GOLM1: variants seen among roughly 807,000 people sequenced by gnomAD.
GOLM1 encodes the protein golgi membrane protein 1.
A neutral mutation model predicts 50.5 loss-of-function variants in GOLM1; 31 were observed. The ratio of observed to expected loss-of-function variants is 0.61; its 90% CI spans 0.46 to 0.83. The LOEUF (loss-of-function observed/expected upper bound fraction) is 0.83, where lower values mean the gene tolerates loss of function less well. Ranked by LOEUF, GOLM1 falls within the 40% of genes least tolerant of loss-of-function variation. The pLI is 0.00. For missense variants in GOLM1, 491 were observed against 501.3 expected, an observed-to-expected ratio of 0.98 and a Z score of 0.20; for synonymous variants, 178 against 192.8, an observed-to-expected ratio of 0.92 and a Z score of 0.64.
At chr9:86,097,065 G>A (rs1835373043) in intron 1 of GOLM1, among the ~76,000 whole-genome samples, 1 of 108,478 alleles carries the variant, frequency 9.2e-6, no homozygotes, top group Non-Finnish European at 1.9e-5. Flanking sequence ...AGAAGGCATG[G>A]ACTTTTTTTT....
At chr9:86,032,990 T>C (rs1833029800) in intron 9 of GOLM1, among the ~76,000 whole-genome samples, 1 of 152,208 alleles carries the variant, frequency 6.6e-6, no homozygotes, top group African/African-American at 2.4e-5. Flanking sequence ...GCCATTTTGT[T>C]GGGAAATCCC....
intron 7 of GOLM1, among the ~76,000 whole-genome samples, chr9:86,035,894 A>AAAAC (rs1226085512): frequency 6.6e-6 from 1 of 151,240 alleles, no homozygotes; most frequent in East Asian, 2.0e-4. Flanking sequence ...AAAAAAAAAA[A>AAAAC]AACACCTGGA....
At chr9:86,050,817 C>T (rs1422267469) in intron 4 of GOLM1, among the ~76,000 whole-genome samples, 1 of 152,146 alleles carries the variant, frequency 6.6e-6, no homozygotes, top group African/African-American at 2.4e-5. Flanking sequence ...AAAACCAGCT[C>T]CTGGATTCAT....
At chr9:86,074,048 T>C (rs964492156) in intron 3 of GOLM1, among the ~76,000 whole-genome samples, 1 of 152,024 alleles carries the variant, frequency 6.6e-6, no homozygotes, top group African/African-American at 2.4e-5. Flanking sequence ...CAGTGACTGC[T>C]TGAGGTGAGG....
intron 9 of GOLM1, among the ~76,000 whole-genome samples, 184 bp from the exon 10 acceptor site, chr9:86,028,077 G>A (rs924168824): frequency 2.6e-5 from 4 of 151,922 alleles, no homozygotes; most frequent in Non-Finnish European, 4.4e-5. Context: ...TATGGGAGGG[G>A]GACAGGGAAG....
rs545928558 is a variant in GOLM1, at chr9:86,036,227, G to A, written c.757+121C>T. The A allele has an allele frequency of 3.3e-5, 32 of 964,958 alleles. No individual in the cohort carries two copies. In the South Asian group the frequency reaches 3.6e-4, roughly 11 times the overall value. 59.8% of individuals were successfully genotyped at this position (964,958 alleles called of 1,614,324 possible). A position where few individuals can be genotyped will look rare whatever the true frequency, so the allele number is the denominator to read the frequency against. ...CAATTCCAGGGGCCCAGAGAGACAC[G>A]TCCCTGCTCCTGGCTGCGCCGCTGC... is the stretch of plus-strand genomic sequence containing the variant. On this transcript the variant is annotated intron_variant, in intron 7 of 9. Coordinates refer to ENST00000388712, the MANE Select transcript of GOLM1 (RefSeq NM_016548.4).
chr9:86,034,923 C>G (rs1447562542), intron 8 of GOLM1: 3 of 787,846 alleles, frequency 3.8e-6, no homozygotes, highest in Non-Finnish European at 4.6e-6. Context: ...GTCATTTTTT[C>G]TCAATGTTCA....
chr9:86,027,451 C>G lies in GOLM1; in HGVS notation c.*366G>C. 6.8e-6 allele frequency: 7 copies of G among 1,032,772 alleles called. No individual in the cohort carries two copies. Among genetic ancestry groups the G allele is most frequent in the Non-Finnish European group, 8.1e-6 (7 of 860,746 alleles). The allele number at this position is 1,032,772 out of a possible 1,614,324, so 64.0% of individuals were successfully genotyped here. Reference sequence around the variant, plus strand: ...CCCAGAGTTCTCTGTCTCTCCTTCACAGCAGATGGACTCTTCTATAGGTGG... The same window carrying G: ...CCCAGAGTTCTCTGTCTCTCCTTCAGAGCAGATGGACTCTTCTATAGGTGG... On this transcript the variant is annotated 3_prime_UTR_variant, in exon 10 of 10. Coordinates refer to ENST00000388712, the MANE Select transcript of GOLM1 (RefSeq NM_016548.4).
At chr9:86,046,382 C>T (rs1330740034) in intron 5 of GOLM1, 88 bp downstream of exon 5, 6 of 781,380 alleles carry the variant, frequency 7.7e-6, no homozygotes, top group Non-Finnish European at 1.4e-5. Flanking sequence ...AAGGTGCATG[C>T]TCTATCGGAG....
At chr9:86,053,547 A>T (rs114453725) in intron 3 of GOLM1, among the ~76,000 whole-genome samples, 27 of 382 alleles carry the variant, frequency 0.071, 4 homozygotes, top group Middle Eastern at 1. Context: ...AACCACACCA[A>T]ACACACACTA....
rs543828213 is a variant in GOLM1, at chr9:86,027,303, C to CATTG, written c.*510_*513dup. On this transcript the variant is annotated 3_prime_UTR_variant, in exon 10 of 10. Transcript: ENST00000388712. Reference sequence around the variant, plus strand: ...TGTGTTAACAGTCAGTGCTCTAGGCCATTGATTGATTGATTGTCAGAATCA... The same window carrying CATTG: ...TGTGTTAACAGTCAGTGCTCTAGGCCATTGATTGATTGATTGATTGTCAGAATCA... 2.6e-4 allele frequency: 254 copies of CATTG among 985,648 alleles called. No homozygotes were observed. The highest frequency in any genetic ancestry group is 6.1e-4 in the African/African-American group (35 of 57,338). The allele number at this position is 985,648 out of a possible 1,614,324, so 61.1% of individuals were successfully genotyped here.
At chr9:86,099,088 G>A (rs1477463727) in intron 1 of GOLM1, among the ~76,000 whole-genome samples, 2 of 152,164 alleles carry the variant, frequency 1.3e-5, no homozygotes, top group Non-Finnish European at 2.9e-5. Context: ...ACAAAGCTCA[G>A]AACAAAAAGA....
intron 3 of GOLM1, among the ~76,000 whole-genome samples, chr9:86,066,772 G>C (rs1018796984): frequency 2.6e-5 from 4 of 152,082 alleles, no homozygotes; most frequent in African/African-American, 7.2e-5. Flanking sequence ...TTCCCTTCAC[G>C]AAGTGCTAGT....
chr9:86,037,059 A>G (rs1246678208), intron 6 of GOLM1, among the ~76,000 whole-genome samples: 4 of 152,270 alleles, frequency 2.6e-5, no homozygotes, highest in African/African-American at 9.6e-5. Flanking sequence ...AATATTTGGA[A>G]ATTAAACAAC....
At chr9:86,065,495 A>G (rs1443082038) in intron 3 of GOLM1, among the ~76,000 whole-genome samples, 1 of 152,220 alleles carries the variant, frequency 6.6e-6, no homozygotes, top group Non-Finnish European at 1.5e-5. Context: ...CAATCATTAC[A>G]TTCGCAGGTG....
chr9:86,052,688 C>A, intron 3 of GOLM1, 97 bp from the exon 4 acceptor site: 1 of 1,005,814 alleles, frequency 9.9e-7, no homozygotes. Flanking sequence ...GTCCCCAACC[C>A]AGCGCTGCTG....
At chr9:86,083,693 T>C (rs1346841295) in intron 1 of GOLM1, among the ~76,000 whole-genome samples, 1 of 152,212 alleles carries the variant, frequency 6.6e-6, no homozygotes, top group African/African-American at 2.4e-5. Flanking sequence ...CAGCCAGGCT[T>C]AAGTACATTT....
At chr9:86,046,397 C>T in intron 5 of GOLM1, 73 bp downstream of exon 5, 2 of 870,438 alleles carry the variant, frequency 2.3e-6, no homozygotes. Flanking sequence ...TCGGAGGTTA[C>T]ATCTCAGCTT....
intron 3 of GOLM1, among the ~76,000 whole-genome samples, chr9:86,069,554 A>G (rs991629483): frequency 6.6e-6 from 1 of 152,216 alleles, no homozygotes; most frequent in African/African-American, 2.4e-5. Context: ...TTTGGTTCAG[A>G]TTAACGAGAC....
Sources: gnomAD v4.1 joint callset for allele counts (sites outside exome capture counted in the v4.1 genomes callset) on GRCh38, gnomAD v4.1.1 for gene constraint, MANE v1.5 for transcripts, NCBI Gene and HGNC (gene_info 2026-07-23, HGNC 2026-07-21) for gene names.